Variants in CADM2 observed in about 807,000 individuals in gnomAD.
The protein encoded by CADM2 is immunoglobulin superfamily member 4D.
A neutral mutation model predicts 49.8 loss-of-function variants in CADM2; 12 were observed. The ratio of observed to expected loss-of-function variants is 0.24; its 90% CI spans 0.15 to 0.39. The LOEUF is 0.39. Among genes scored for constraint, CADM2 ranks in the 10% least tolerant of loss-of-function variants. The pLI is 1.00. For synonymous variants in CADM2, 214 were observed against 175.4 expected, an observed-to-expected ratio of 1.22 and a Z score of -1.74; for missense variants, 378 against 492.3, an observed-to-expected ratio of 0.77 and a Z score of 2.20.
At chr3:85,918,137 C>G (rs1718620121) in intron 6 of CADM2, among the ~76,000 whole-genome samples, 1 of 152,142 alleles carries the variant, frequency 6.6e-6, no homozygotes. Context: ...TAATTGAATG[C>G]CCTTTATTCA....
rs1352609613 is a variant in CADM2 at position 85,189,643 on chromosome 3, T to G, written c.61+229975T>G. Among the ~76,000 whole-genome samples, 4 of 152,190 alleles carry G rather than the reference T, an allele frequency of 2.6e-5. No homozygotes were observed. The East Asian group carries it at 7.7e-4, about 29-fold the overall frequency. ...AAGATACAATAAATTTGAGATAAAT[T>G]GAGTAAATGATGGCTGATTTTAAAC... On this transcript the variant is annotated intron_variant, in intron 1 of 9. Transcript: ENST00000383699.
chr3:85,183,885 T>C (rs2040992635), intron 1 of CADM2, among the ~76,000 whole-genome samples: 2 of 152,162 alleles, frequency 1.3e-5, no homozygotes, highest in African/African-American at 4.8e-5. Context: ...TAATAAGCAT[T>C]AACTCAGTGG....
chr3:85,359,813 G>A (rs1274738104), intron 1 of CADM2, among the ~76,000 whole-genome samples: 1 of 149,340 alleles, frequency 6.7e-6, no homozygotes, highest in Non-Finnish European at 1.5e-5. Context: ...TTTAAATGCT[G>A]CAAAAAATGT....
chr3:85,863,087 A>C (rs1021701320), intron 3 of CADM2, among the ~76,000 whole-genome samples: 3 of 152,172 alleles, frequency 2.0e-5, no homozygotes, highest in African/African-American at 7.2e-5. Flanking sequence ...AAATAGGTAT[A>C]GTCTGGAGAC....
chr3:85,742,599 A>T (rs1360957254), intron 2 of CADM2, among the ~76,000 whole-genome samples: 4 of 152,202 alleles, frequency 2.6e-5, no homozygotes, highest in East Asian at 3.8e-4. Context: ...AGCAAAAATT[A>T]AAAAAATTGG....
intron 1 of CADM2, among the ~76,000 whole-genome samples, chr3:85,460,243 G>T (rs2038177993): frequency 6.6e-6 from 1 of 151,314 alleles, no homozygotes; most frequent in Non-Finnish European, 1.5e-5. Flanking sequence ...TCTAAGAAGG[G>T]AGTATTTCTG....
At chr3:85,295,482 A>G (rs997586734) in intron 1 of CADM2, among the ~76,000 whole-genome samples, 7 of 152,134 alleles carry the variant, frequency 4.6e-5, no homozygotes, top group African/African-American at 1.7e-4. Flanking sequence ...CTATAAAGAC[A>G]CGTGCACATG....
chr3:85,907,510 G>A (rs1209100640), intron 5 of CADM2, among the ~76,000 whole-genome samples: 1 of 152,128 alleles, frequency 6.6e-6, no homozygotes, highest in Non-Finnish European at 1.5e-5. Context: ...CTTGTTCCCA[G>A]TGTGGTCTAT....
At chr3:85,414,537 A>G (rs1287207857) in intron 1 of CADM2, among the ~76,000 whole-genome samples, 1 of 152,208 alleles carries the variant, frequency 6.6e-6, no homozygotes, top group Non-Finnish European at 1.5e-5. Flanking sequence ...TTCAACCAAT[A>G]CAAGTTGATT....
intron 1 of CADM2, among the ~76,000 whole-genome samples, chr3:85,297,194 GTAA>G (rs1405985343): frequency 6.6e-6 from 1 of 151,118 alleles, no homozygotes; most frequent in African/African-American, 2.5e-5. Context: ...GATAAGTTAA[GTAA>G]TTTGTCTTAA....
chr3:85,073,373 C>A (rs921037745), intron 1 of CADM2, among the ~76,000 whole-genome samples: 6 of 152,004 alleles, frequency 3.9e-5, no homozygotes, highest in Non-Finnish European at 5.9e-5. Flanking sequence ...TCTAAGTAAC[C>A]AAATCATGCA....
At chr3:85,821,331 A>G (rs948368878) in intron 3 of CADM2, among the ~76,000 whole-genome samples, 1 of 152,152 alleles carries the variant, frequency 6.6e-6, no homozygotes, top group Non-Finnish European at 1.5e-5. Context: ...CTAGGCCACC[A>G]GAGGGCAGGG....
At chr3:85,123,452 A>G (rs538816511) in intron 1 of CADM2, among the ~76,000 whole-genome samples, 12 of 152,210 alleles carry the variant, frequency 7.9e-5, no homozygotes, top group Non-Finnish European at 1.3e-4. Flanking sequence ...GTGGATTTTA[A>G]AAGTTCGAAT....
intron 1 of CADM2, among the ~76,000 whole-genome samples, chr3:85,076,925 T>C (rs941158029): frequency 6.6e-6 from 1 of 152,130 alleles, no homozygotes; most frequent in Non-Finnish European, 1.5e-5. Flanking sequence ...TGAGACAAGA[T>C]TGTGCCACTG....
chr3:85,157,621 A>T (rs2040175324), intron 1 of CADM2, among the ~76,000 whole-genome samples: 1 of 152,174 alleles, frequency 6.6e-6, no homozygotes, highest in African/African-American at 2.4e-5. Context: ...TGGTGCTGGG[A>T]AAACTGGCTA....
intron 1 of CADM2, among the ~76,000 whole-genome samples, chr3:85,294,344 C>T (rs913710204): frequency 9.2e-5 from 14 of 151,980 alleles, no homozygotes; most frequent in Non-Finnish European, 1.5e-4. Flanking sequence ...GAATCAATAT[C>T]GTGAAAATGG....
At chr3:85,267,443 T>A (rs983027183) in intron 1 of CADM2, among the ~76,000 whole-genome samples, 1 of 151,768 alleles carries the variant, frequency 6.6e-6, no homozygotes, top group Non-Finnish European at 1.5e-5. Flanking sequence ...ATCCTTCAGA[T>A]AGTTACTCAA....
At chr3:85,265,862 T>C (rs2107903879) in intron 1 of CADM2, among the ~76,000 whole-genome samples, 1 of 152,062 alleles carries the variant, frequency 6.6e-6, no homozygotes, top group South Asian at 2.1e-4. Context: ...ACTACTTTCT[T>C]TGTATCATAT....
At chr3:86,016,594 C>A (rs1336464271) in intron 8 of CADM2, among the ~76,000 whole-genome samples, 2 of 152,092 alleles carry the variant, frequency 1.3e-5, no homozygotes, top group African/African-American at 4.8e-5. Context: ...CACAGGCCAA[C>A]ACATTATCCT....
Sources: gnomAD v4.1 joint callset for allele counts (sites outside exome capture counted in the v4.1 genomes callset) on GRCh38, gnomAD v4.1.1 for gene constraint, MANE v1.5 for transcripts, NCBI Gene and HGNC (gene_info 2026-07-23, HGNC 2026-07-21) for gene names.